The following AKAP8 variants were observed in gnomAD, a reference collection of about 807,000 sequenced individuals.
AKAP8 encodes A-kinase anchor protein 8.
A neutral mutation model predicts 67.5 loss-of-function variants in AKAP8; 24 were observed. The ratio of observed to expected loss-of-function variants is 0.36; its 90% CI spans 0.26 to 0.50. The LOEUF is 0.50. Ranked by LOEUF, AKAP8 falls within the 20% of genes least tolerant of loss-of-function variation. AKAP8 has a pLI of 0.97. For missense variants in AKAP8, 971 were observed against 955.9 expected, an observed-to-expected ratio of 1.02 and a Z score of -0.21; for synonymous variants, 400 against 371.1, an observed-to-expected ratio of 1.08 and a Z score of -0.90.
intron 3 of AKAP8, 96 bp from the exon 4 acceptor site, chr19:15,374,161 G>C (rs1450134326): frequency 1.4e-6 from 2 of 1,404,970 alleles, no homozygotes; most frequent in Non-Finnish European, 1.9e-6. Flanking sequence ...CCACGGAGAA[G>C]GAAAACGGGT....
At chr19:15,376,719 T>C (rs1003880563) in intron 2 of AKAP8, among the ~76,000 whole-genome samples, 3 of 152,186 alleles carry the variant, frequency 2.0e-5, no homozygotes, top group Admixed American at 1.3e-4. Context: ...ACGCAAAAAT[T>C]AGGAACTTCA....
chr19:15,366,347 C>A (rs1235250712), intron 9 of AKAP8, among the ~76,000 whole-genome samples: 7 of 151,966 alleles, frequency 4.6e-5, no homozygotes, highest in African/African-American at 7.2e-5. Flanking sequence ...ATCTCAGTTT[C>A]CATGTGACAT....
chr19:15,371,747 C>T (rs762572093), intron 7 of AKAP8, among the ~76,000 whole-genome samples: 5 of 152,076 alleles, frequency 3.3e-5, no homozygotes, highest in South Asian at 2.1e-4. Context: ...CCTGAGCCTC[C>T]CTAAGTGCTA....
chr19:15,370,305 G>T, intron 7 of AKAP8, 126 bp from the exon 8 acceptor site: 1 of 1,061,878 alleles, frequency 9.4e-7, no homozygotes, highest in Non-Finnish European at 1.4e-6. Flanking sequence ...ATGCCACCAA[G>T]AATGAGCCAC....
chr19:15,376,835 G>C, intron 2 of AKAP8, 141 bp downstream of exon 2: 1 of 936,520 alleles, frequency 1.1e-6, no homozygotes. Flanking sequence ...AAGCCACAAA[G>C]ATATTCACTA....
rs1198090630 is a variant in AKAP8 at position 15,355,315 on chromosome 19, T to C, written c.1679A>G (p.Asn560Ser). The part of the protein sequence containing the change: ...TVDPEMEGDD[N>S]LGGEDKKETP... ...CTCTTTCTTATCCTCACCTCCTAAA[T>C]TGTCATCTCCTTCCATTTCTGGATC... is the stretch of plus-strand genomic sequence containing the variant. The change falls in exon 14 of 14, where the codon AAT becomes AGT. Residue 560 changes from asparagine (N) to serine (S), a missense_variant. This residue lies in a region of AKAP8 where 204 missense variants were observed against 193.0 expected (regional missense o/e 1.06). Coordinates refer to ENST00000269701, the MANE Select transcript of AKAP8 (RefSeq NM_005858.4). 3 of 1,613,690 alleles carry C rather than the reference T, an allele frequency of 1.9e-6. No individual in the cohort carries two copies. The highest frequency in any genetic ancestry group is 1.3e-5 in the African/African-American group (1 of 74,918).
chr19:15,377,715 G>T (rs1448524469), intron 1 of AKAP8, among the ~76,000 whole-genome samples: 1 of 152,086 alleles, frequency 6.6e-6, no homozygotes, highest in East Asian at 1.9e-4. Context: ...TGATCCGCCA[G>T]CCTCGGCCTC....
rs1419185721 is a variant in AKAP8 at position 15,359,018 on chromosome 19, C to T, written c.1572G>A (p.Lys524=). ...CTATATGTCTGTTGTTCAAAACACT[C>T]TTAGCCACATGGAGACTGGTTTTCT... The part of the protein sequence containing the change: ...QFKKTSLHVA[K]SVLNNRHIVK... Residue 524 remains lysine, a synonymous_variant, in exon 13 of 14, where the codon AAG becomes AAA. Transcript: ENST00000269701. The T allele has an allele frequency of 2.5e-6, 4 of 1,614,228 alleles. No individual in the cohort carries two copies. In the Admixed American group the frequency reaches 6.7e-5, roughly 27 times the overall value.
intron 2 of AKAP8, among the ~76,000 whole-genome samples, chr19:15,375,575 A>G (rs1373157981): frequency 6.6e-6 from 1 of 152,218 alleles, no homozygotes; most frequent in Non-Finnish European, 1.5e-5. Context: ...TATAGTGAAT[A>G]ATATCACATC....
intron 9 of AKAP8, among the ~76,000 whole-genome samples, chr19:15,364,114 A>G (rs912001133): frequency 6.9e-5 from 10 of 143,922 alleles, no homozygotes; most frequent in Non-Finnish European, 1.5e-4. Context: ...TGGGCAAAAA[A>G]AAAAAAAAAA....
At chr19:15,372,039 C>A in intron 6 of AKAP8, 41 bp from the exon 7 acceptor site, 4 of 1,613,024 alleles carry the variant, frequency 2.5e-6, no homozygotes, top group Non-Finnish European at 3.4e-6. Flanking sequence ...CCCCGGAGAA[C>A]GGTCCCATCC....
chr19:15,354,069 G>C lies in AKAP8; in HGVS notation c.*846C>G, dbSNP rs927507935. 13 of 151,454 alleles carry C rather than the reference G, an allele frequency of 8.6e-5. No individual in the cohort carries two copies. The highest frequency in any genetic ancestry group is 1.9e-4 in the Non-Finnish European group (13 of 67,962). The allele number at this position is 151,454 out of a possible 1,614,324, so 9.4% of individuals were successfully genotyped here. A position where few individuals can be genotyped will look rare whatever the true frequency, so the allele number is the denominator to read the frequency against. ...TTGCTATGTTGTCCAGGTTGGTCTT[G>C]AACTCCTGGGCTTAAGCTATCCTCT... On this transcript the variant is annotated 3_prime_UTR_variant, in exon 14 of 14. Coordinates refer to ENST00000269701, the MANE Select transcript of AKAP8 (RefSeq NM_005858.4).
rs577423027 is a variant in AKAP8, at chr19:15,369,285, C to A, written c.1072+861G>T. 2.0e-6 allele frequency: 2 copies of A among 985,088 alleles called. No individual in the cohort carries two copies. Among genetic ancestry groups the A allele is most frequent in the South Asian group, 9.4e-5 (2 of 21,282 alleles). 61.0% of individuals were successfully genotyped at this position (985,088 alleles called of 1,614,324 possible). ...TTGTGCCGCTAAGCGCTCGGGGCGC[C>A]CCGTGCTATGGACAGGACTGCTGCG... On this transcript the variant is annotated intron_variant, in intron 8 of 13. Coordinates refer to ENST00000269701, the MANE Select transcript of AKAP8 (RefSeq NM_005858.4). The surrounding 1 kb of genome is among the most constrained non-coding windows in gnomAD (Gnocchi z 4.6).
intron 9 of AKAP8, among the ~76,000 whole-genome samples, 175 bp from the exon 10 acceptor site, chr19:15,362,426 T>C (rs535987757): frequency 2.3e-5 from 1 of 44,036 alleles, no homozygotes; most frequent in African/African-American, 1.0e-4. Flanking sequence ...TGGACGGTAC[T>C]GCTGCCATCT....
At chr19:15,360,794 C>T (rs1310584154) in intron 12 of AKAP8, 54 bp downstream of exon 12, 11 of 1,575,626 alleles carry the variant, frequency 7.0e-6, no homozygotes, top group Non-Finnish European at 7.8e-6. Flanking sequence ...ACAGCAGGCT[C>T]TGAGCCGCAG....
chr19:15,372,257 G>A lies in AKAP8; in HGVS notation c.952C>T (p.Leu318=), dbSNP rs754858114. 6.2e-7 allele frequency: 1 copy of A among 1,614,228 alleles called. No individual in the cohort carries two copies. The highest frequency in any genetic ancestry group is 8.5e-7 in the Non-Finnish European group (1 of 1,180,048). Residue 318 remains leucine (L), a synonymous_variant, in exon 6 of 14, where the codon CTG becomes TTG. Transcript: ENST00000269701. ...FQLYEEPDTK[L]ARVDSEGDFS... is the part of the protein sequence containing the mutation. The stretch of plus-strand genomic sequence containing the variant: ...TCTCCTTCACTGTCAACCCGGGCCA[G>A]TTTGGTGTCTGGCTCCTCGTAAAGT...
In AKAP8 at chr19:15,367,401, G is replaced by A. The variant is rs934390498; in HGVS notation, c.1160+834C>T. Among the ~76,000 whole-genome samples, 3 of 152,102 alleles carry A rather than the reference G, an allele frequency of 2.0e-5. No homozygotes were observed. In the East Asian group the frequency reaches 5.8e-4, roughly 30 times the overall value. ...AAATTAGCCAGGCGTGGTGTCAGGC[G>A]CCTGTAATCCCAGCTACTCGGGAGG... is the stretch of plus-strand genomic sequence containing the variant. On this transcript the variant is annotated intron_variant, in intron 9 of 13. Transcript: ENST00000269701.
intron 12 of AKAP8, among the ~76,000 whole-genome samples, chr19:15,359,876 G>A (rs899610749): frequency 3.3e-5 from 5 of 152,074 alleles, no homozygotes; most frequent in African/African-American, 1.2e-4. Context: ...GCTCACACCT[G>A]TAATCCCAGC....
At chr19:15,367,317 C>G (rs1967086862) in intron 9 of AKAP8, among the ~76,000 whole-genome samples, 1 of 152,128 alleles carries the variant, frequency 6.6e-6, no homozygotes, top group African/African-American at 2.4e-5. Flanking sequence ...ATCACAAGAT[C>G]AGGAGTTTAA....
Sources: gnomAD v4.1 joint callset for allele counts (sites outside exome capture counted in the v4.1 genomes callset) on GRCh38, gnomAD v4.1.1 for gene constraint, gnomAD v4.1.1 regional missense constraint, Gnocchi (gnomAD v3.1) non-coding constraint, MANE v1.5 for transcripts, NCBI Gene and HGNC (gene_info 2026-07-23, HGNC 2026-07-21) for gene names.